Variants in PTBP1 observed in about 807,000 individuals in gnomAD.
PTBP1 encodes polypyrimidine tract-binding protein 1.
PTBP1 carries 8 observed loss-of-function variants against 59.8 expected under a neutral mutation model. That is an observed-to-expected ratio of 0.13 (90% CI 0.08 to 0.24). The LOEUF (loss-of-function observed/expected upper bound fraction) is 0.24, where lower values mean the gene tolerates loss of function less well. Among genes scored for constraint, PTBP1 ranks in the 10% least tolerant of loss-of-function variants. The pLI is 1.00. For missense variants in PTBP1, 686 were observed against 767.0 expected (o/e 0.89, Z 1.25); for synonymous variants, 490 against 320.7 (o/e 1.53, Z -5.64).
At chr19:805,658 C>A (rs1230559781) in intron 9 of PTBP1, 89 bp downstream of exon 9, 4 of 1,140,006 alleles carry the variant, frequency 3.5e-6, no homozygotes, top group Non-Finnish European at 4.0e-6. Flanking sequence ...GCAGCCTGGG[C>A]GGACTGGGCA....
chr19:802,534 T>G (rs1414703550), intron 2 of PTBP1, among the ~76,000 whole-genome samples: 1 of 152,160 alleles, frequency 6.6e-6, no homozygotes, highest in Non-Finnish European at 1.5e-5. Context: ...GGGGGCAGGC[T>G]CTTGGCCTCA....
At chr19:806,114 C>CCCGTGTCTGTGCTGGCGGAG (rs1252048880) in intron 9 of PTBP1, 8 of 346,694 alleles carry the variant, frequency 2.3e-5, no homozygotes, top group African/African-American at 1.7e-4. Context: ...TGCCGAGGGC[C>CCCGTGTCTGTGCTGGCGGAG]CCGTGTCTGT....
chr19:799,839 T>C (rs1289868703), intron 2 of PTBP1, among the ~76,000 whole-genome samples: 1 of 152,224 alleles, frequency 6.6e-6, no homozygotes. Flanking sequence ...CACCTGGCTG[T>C]GGAGGGGACC....
intron 14 of PTBP1, 21 bp from the exon 15 acceptor site, chr19:810,673 C>A: frequency 6.2e-7 from 1 of 1,611,842 alleles, no homozygotes; most frequent in Middle Eastern, 1.7e-4. Flanking sequence ...CTGCGGCCGG[C>A]CCTGACCCCC....
chr19:811,080 G>C lies in PTBP1; in HGVS notation c.*254G>C. 1 of 396,708 alleles carries C rather than the reference G, an allele frequency of 2.5e-6. No individual in the cohort carries two copies. Among genetic ancestry groups the C allele is most frequent in the Non-Finnish European group, 4.4e-6 (1 of 225,690 alleles). 24.6% of individuals were successfully genotyped at this position (396,708 alleles called of 1,614,324 possible). ...CTCCACACCCGGGGCCAGACCCTCGGGGCCATGCCTTGGTGGGGCCTGTGT... is the reference window on the plus strand; with the variant it reads ...CTCCACACCCGGGGCCAGACCCTCGCGGCCATGCCTTGGTGGGGCCTGTGT... On this transcript the variant is annotated 3_prime_UTR_variant, in exon 15 of 15. Transcript: ENST00000356948.
chr19:797,966 GCCT>G (rs1451765155), intron 1 of PTBP1, among the ~76,000 whole-genome samples: 2 of 149,314 alleles, frequency 1.3e-5, no homozygotes, highest in Non-Finnish European at 3.0e-5. Flanking sequence ...GGGGGCGCGC[GCCT>G]TTCCCGCCGC....
chr19:810,938 T>G lies in PTBP1; in HGVS notation c.*112T>G. The G allele has an allele frequency of 8.7e-7, 1 of 1,142,972 alleles. No individual in the cohort carries two copies. The highest frequency in any genetic ancestry group is 1.2e-6 in the Non-Finnish European group (1 of 842,542). The allele number at this position is 1,142,972 out of a possible 1,614,324, so 70.8% of individuals were successfully genotyped here. The stretch of plus-strand genomic sequence containing the variant: ...TAGCAGACCAGAGATTTTATTTTTT[T>G]AAAGAGAAATCAGTTTACCTGTTTT... On this transcript the variant is annotated 3_prime_UTR_variant, in exon 15 of 15. Transcript: ENST00000356948.
At position 799,461 on chromosome 19, in the gene PTBP1, T is replaced by TGCTTCTCCGTGAC. The variant is rs1568262323; in HGVS notation, c.39+22_39+34dup. 6.2e-7 allele frequency: 1 copy of TGCTTCTCCGTGAC among 1,613,286 alleles called. No individual in the cohort carries two copies. The stretch of plus-strand genomic sequence containing the variant: ...GTACAAAGGTAGGCACTTCTCACTT[T>TGCTTCTCCGTGAC]GCTTCTCCGTGACGCTCCTCTGACC... On this transcript the variant is annotated intron_variant, in intron 2 of 14. Transcript: ENST00000356948.
intron 13 of PTBP1, among the ~76,000 whole-genome samples, chr19:809,229 G>A (rs78972584): frequency 0.049 from 7,395 of 152,154 alleles, 246 homozygotes; most frequent in Middle Eastern, 0.13. Context: ...GGCTGATCTT[G>A]ATCTCCTGAC....
At position 803,652 on chromosome 19, in the gene PTBP1, G is replaced by C; in HGVS notation, c.115+16G>C. On this transcript the variant is annotated intron_variant, in intron 3 of 14. Transcript: ENST00000356948. Reference sequence around the variant, plus strand: ...GCTTCTGCAGGTAAGGCCGGGACTCGGCCCAGGGCAAGACCCGTGGGTGTC... The same window carrying C: ...GCTTCTGCAGGTAAGGCCGGGACTCCGCCCAGGGCAAGACCCGTGGGTGTC... 4 of 1,611,438 alleles carry C rather than the reference G, an allele frequency of 2.5e-6. No individual in the cohort carries two copies. Among genetic ancestry groups the C allele is most frequent in the Non-Finnish European group, 3.4e-6 (4 of 1,177,688 alleles).
At position 805,716 on chromosome 19, in the gene PTBP1, C is replaced by T. The variant is rs2145051774; in HGVS notation, c.970+147C>T. ...CTTCCCGGGAGAGGGGACGCCACGT[C>T]CACAGAGCAGGCTTGGCCAGGGCAG... is the stretch of plus-strand genomic sequence containing the variant. On this transcript the variant is annotated intron_variant, in intron 9 of 14. Transcript: ENST00000356948. 5.5e-6 allele frequency: 4 copies of T among 721,004 alleles called. No homozygotes were observed. The South Asian group carries it at 6.4e-5, about 12-fold the overall frequency. The allele number at this position is 721,004 out of a possible 1,614,324, so 44.7% of individuals were successfully genotyped here. A position where few individuals can be genotyped will look rare whatever the true frequency, so the allele number is the denominator to read the frequency against.
chr19:799,485 C>G (rs543895931), intron 2 of PTBP1, 42 bp downstream of exon 2: 3 of 1,608,364 alleles, frequency 1.9e-6, no homozygotes, highest in African/African-American at 1.3e-5. Context: ...GCTCCTCTGA[C>G]CTTGTGCCGA....
At chr19:809,461 T>C (rs1011753371) in intron 13 of PTBP1, among the ~76,000 whole-genome samples, 3 of 152,048 alleles carry the variant, frequency 2.0e-5, no homozygotes, top group African/African-American at 7.2e-5. Context: ...GGAGGGACTA[T>C]AGGTGCCCGC....
At chr19:810,502 C>A (rs1312661578) in intron 13 of PTBP1, 41 bp from the exon 14 acceptor site, 4 of 1,579,024 alleles carry the variant, frequency 2.5e-6, no homozygotes, top group Non-Finnish European at 3.5e-6. Flanking sequence ...GGCGCCCCCA[C>A]CCCCACGCGG....
intron 9 of PTBP1, chr19:805,986 CG>C (rs2034546322): frequency 8.0e-6 from 2 of 250,710 alleles, no homozygotes; most frequent in Non-Finnish European, 7.6e-6. Context: ...CTTCTGGGAC[CG>C]GGGCCCGGCC....
At chr19:806,667 C>G in intron 10 of PTBP1, 111 bp downstream of exon 10, 2 of 1,094,070 alleles carry the variant, frequency 1.8e-6, no homozygotes, top group Non-Finnish European at 2.5e-6. Context: ...GTCTGCGCCT[C>G]TGCCCTGGCA....
Position 806,028 on chromosome 19 carries a change from C to G in PTBP1, c.971-380C>G, listed in dbSNP as rs560009719. 2.1e-5 allele frequency: 5 copies of G among 234,284 alleles called. No homozygotes were observed. In the South Asian group the frequency reaches 4.1e-4, roughly 19 times the overall value. 14.5% of individuals were successfully genotyped at this position (234,284 alleles called of 1,614,324 possible). On this transcript the variant is annotated intron_variant, in intron 9 of 14. Coordinates refer to ENST00000356948, the MANE Select transcript of PTBP1 (RefSeq NM_002819.5). ...AGTGCTGGCCGTGGACGGAGCAGCG[C>G]GTGCCGCCCGGCGGCCGCCTCGTCT...
At chr19:810,267 C>T (rs2034793744) in intron 13 of PTBP1, among the ~76,000 whole-genome samples, 1 of 152,168 alleles carries the variant, frequency 6.6e-6, no homozygotes, top group Non-Finnish European at 1.5e-5. Flanking sequence ...GATCACGCCA[C>T]TGTGCTCCCG....
At chr19:801,143 G>A (rs1392368946) in intron 2 of PTBP1, among the ~76,000 whole-genome samples, 2 of 152,124 alleles carry the variant, frequency 1.3e-5, no homozygotes, top group African/African-American at 2.4e-5. Flanking sequence ...CTGTGCTGTA[G>A]GGCCCCAGCT....
Sources: allele counts gnomAD v4.1 joint callset (sites outside exome capture counted in the v4.1 genomes callset), GRCh38; gene constraint gnomAD v4.1.1; transcripts MANE v1.5; gene names NCBI Gene and HGNC (gene_info 2026-07-23, HGNC 2026-07-21).